Variants in ANK1 observed in about 807,000 individuals in gnomAD.
The protein encoded by ANK1 is ankyrin-1.
In ANK1, 51 loss-of-function variants were observed where a neutral mutation model predicts 210.4. That is an observed-to-expected ratio of 0.24 (90% CI 0.19 to 0.31). The LOEUF (loss-of-function observed/expected upper bound fraction) is 0.31. Ranked by LOEUF, ANK1 falls within the 10% of genes least tolerant of loss-of-function variation. ANK1 has a pLI of 1.00. For missense variants in ANK1, 2,051 were observed against 2,504.4 expected (o/e 0.82, Z 3.86); for synonymous variants, 967 against 1,025.9 (o/e 0.94, Z 1.10).
Position 41,714,967 on chromosome 8 carries a change from C to T in ANK1, c.1701+9G>A. ...GAGAGCTGCAGGGGAGGGCAGGGTT[C>T]AAACTCACTTTTCCGGCAGCATTCG... is the stretch of plus-strand genomic sequence containing the variant. On this transcript the variant is annotated intron_variant, in intron 15 of 42. Coordinates refer to ENST00000289734, the MANE Select transcript of ANK1 (RefSeq NM_000037.4). 7.4e-6 allele frequency: 12 copies of T among 1,614,050 alleles called. No homozygotes were observed. The highest frequency in any genetic ancestry group is 1.0e-5 in the Non-Finnish European group (12 of 1,179,950).
intron 1 of ANK1, among the ~76,000 whole-genome samples, chr8:41,774,213 T>C (rs1306996493): frequency 6.6e-6 from 1 of 152,180 alleles, no homozygotes; most frequent in Admixed American, 6.5e-5. Context: ...ACATGTTTCC[T>C]GAGCAGAACA....
chr8:41,717,129 G>A (rs879759459), intron 12 of ANK1, 78 bp from the exon 13 acceptor site: 1 of 1,505,188 alleles, frequency 6.6e-7, no homozygotes, highest in Admixed American at 1.7e-5. Context: ...AGGAAGTGCA[G>A]TCTGGAGTGG....
At chr8:41,706,428 C>T (rs1824598659) in intron 17 of ANK1, among the ~76,000 whole-genome samples, 187 bp from the exon 18 acceptor site, 1 of 152,200 alleles carries the variant, frequency 6.6e-6, no homozygotes, top group Non-Finnish European at 1.5e-5. Context: ...TTACACTAGA[C>T]CAGGGGTTGG....
intron 1 of ANK1, among the ~76,000 whole-genome samples, chr8:41,883,073 C>G (rs11985897): frequency 0.19 from 28,688 of 152,216 alleles, 2,922 homozygotes; most frequent in East Asian, 0.4. Context: ...ACAGGCTCAG[C>G]GAGAGACAGA....
chr8:41,808,747 A>G (rs909541768), intron 1 of ANK1, among the ~76,000 whole-genome samples: 7 of 152,196 alleles, frequency 4.6e-5, no homozygotes, highest in Non-Finnish European at 7.3e-5. Context: ...TGCTGCACAC[A>G]GATGCTTCCT....
intron 24 of ANK1, among the ~76,000 whole-genome samples, chr8:41,697,056 C>G (rs1029801285): frequency 4.8e-5 from 7 of 147,256 alleles, no homozygotes; most frequent in Non-Finnish European, 1.1e-4. Flanking sequence ...GCTCCAGGCC[C>G]CAGGCCCGCT....
At chr8:41,801,231 C>T (rs531666504), upstream of ANK1, among the ~76,000 whole-genome samples, 20 of 152,342 alleles carry the variant, frequency 1.3e-4, no homozygotes, top group South Asian at 3.5e-3. Flanking sequence ...CTGCCTCAGC[C>T]TCCTGAGTTG....
chr8:41,658,671 T>A (rs1206766706), intron 42 of ANK1, among the ~76,000 whole-genome samples: 2 of 152,086 alleles, frequency 1.3e-5, no homozygotes, highest in Non-Finnish European at 2.9e-5. Context: ...GGAGGGCGGG[T>A]TGCTTGAGGT....
intron 42 of ANK1, among the ~76,000 whole-genome samples, chr8:41,659,375 G>C (rs990129527): frequency 6.6e-6 from 1 of 152,340 alleles, no homozygotes; most frequent in Admixed American, 6.5e-5. Context: ...GGGATTGCAC[G>C]GGTTGGGCGA....
chr8:41,663,116 G>C (rs60903016), intron 40 of ANK1, among the ~76,000 whole-genome samples: 2,834 of 62,498 alleles, frequency 0.045, 71 homozygotes, highest in African/African-American at 0.11. Context: ...CTCTCTCTCT[G>C]TGTGTGTGTG....
intron 1 of ANK1, among the ~76,000 whole-genome samples, chr8:41,764,686 G>A (rs139055844): frequency 1.3e-3 from 191 of 152,274 alleles, no homozygotes; most frequent in African/African-American, 4.4e-3. Context: ...CTCATCTCTA[G>A]CTTCGTTTTA....
chr8:41,881,085 C>T (rs1817499039), intron 1 of ANK1, among the ~76,000 whole-genome samples: 1 of 152,234 alleles, frequency 6.6e-6, no homozygotes, highest in African/African-American at 2.4e-5. Context: ...CTAAAAATAG[C>T]TCTGTGATCT....
chr8:41,756,369 C>T (rs1370949430), intron 2 of ANK1, among the ~76,000 whole-genome samples: 2 of 151,302 alleles, frequency 1.3e-5, no homozygotes, highest in African/African-American at 4.9e-5. Context: ...TAGTCTCGAA[C>T]TTCTGACCTC....
chr8:41,681,562 C>G (rs1332336631), intron 37 of ANK1, among the ~76,000 whole-genome samples: 1 of 152,234 alleles, frequency 6.6e-6, no homozygotes, highest in Non-Finnish European at 1.5e-5. Flanking sequence ...CCTATCACTA[C>G]CCAGAGTCCC....
rs374623408 is a variant in ANK1, at chr8:41,715,733, C to T, written c.1521G>A (p.Leu507=). ...NLATTAGHTP[L]HIAAREGHVE... Reference sequence around the variant, plus strand: ...CATGGCCCTCACGGGCTGCAATGTGCAGGGGGGTGTGCCCGGCGGTGGTGG... The same window carrying T: ...CATGGCCCTCACGGGCTGCAATGTGTAGGGGGGTGTGCCCGGCGGTGGTGG... The change falls in exon 14 of 43, where the codon CTG becomes CTA. Residue 507 remains leucine, a synonymous_variant. Transcript: ENST00000289734. 4.5e-5 allele frequency: 73 copies of T among 1,613,984 alleles called. No homozygotes were observed. Among genetic ancestry groups the T allele is most frequent in the Non-Finnish European group, 4.2e-6 (5 of 1,180,018 alleles).
intron 20 of ANK1, among the ~76,000 whole-genome samples, chr8:41,702,752 C>G (rs1013460204): frequency 2.0e-5 from 3 of 152,162 alleles, no homozygotes; most frequent in Non-Finnish European, 1.5e-5. Context: ...TAGGATGTGC[C>G]TTGGGCTCCG....
At chr8:41,831,796 G>A (rs368874582) in intron 1 of ANK1, among the ~76,000 whole-genome samples, 1 of 152,142 alleles carries the variant, frequency 6.6e-6, no homozygotes, top group Non-Finnish European at 1.5e-5. Flanking sequence ...CAACCCACAC[G>A]TCCTCAGCGT....
intron 3 of ANK1, among the ~76,000 whole-genome samples, chr8:41,733,495 C>G (rs900713186): frequency 3.3e-5 from 5 of 152,164 alleles, no homozygotes; most frequent in Non-Finnish European, 7.3e-5. Context: ...TAAATACATC[C>G]AGGCATTTGA....
chr8:41,672,248 C>T, intron 38 of ANK1, 106 bp downstream of exon 38: 1 of 1,252,746 alleles, frequency 8.0e-7, no homozygotes, highest in Non-Finnish European at 1.1e-6. Flanking sequence ...AATTAGAACC[C>T]AGGGTCAGGG....
Sources: gnomAD v4.1 joint callset for allele counts (sites outside exome capture counted in the v4.1 genomes callset) on GRCh38, gnomAD v4.1.1 for gene constraint, MANE v1.5 for transcripts, NCBI Gene and HGNC (gene_info 2026-07-23, HGNC 2026-07-21) for gene names.